CACNA1C: variants seen among roughly 807,000 people sequenced by gnomAD.
CACNA1C encodes the protein voltage-dependent L-type calcium channel subunit alpha-1C.
A neutral mutation model predicts 229.0 loss-of-function variants in CACNA1C; 30 were observed. That is an observed-to-expected ratio of 0.13 (90% CI 0.10 to 0.18). The LOEUF is 0.18. Among genes scored for constraint, CACNA1C ranks in the 10% least tolerant of loss-of-function variants. CACNA1C has a pLI of 1.00. For synonymous variants in CACNA1C, 1,114 were observed against 1,132.5 expected, an observed-to-expected ratio of 0.98 and a Z score of 0.33; for missense variants, 1,658 against 2,845.0, an observed-to-expected ratio of 0.58 and a Z score of 9.49.
chr12:2,483,390 C>T (rs2099684357), intron 5 of CACNA1C, among the ~76,000 whole-genome samples: 1 of 151,886 alleles, frequency 6.6e-6, no homozygotes, highest in Non-Finnish European at 1.5e-5. Flanking sequence ...CACTGGAACC[C>T]GGGAGACCAG....
intron 1 of CACNA1C, among the ~76,000 whole-genome samples, chr12:2,114,717 G>A (rs2299660): frequency 4.6e-5 from 7 of 152,100 alleles, no homozygotes; most frequent in African/African-American, 1.4e-4. Flanking sequence ...TTCATTGTAC[G>A]TTTTCCATCA....
At chr12:2,036,029 G>A (rs1327074750) in intron 1 of CACNA1C, among the ~76,000 whole-genome samples, 1 of 152,208 alleles carries the variant, frequency 6.6e-6, no homozygotes, top group Non-Finnish European at 1.5e-5. Context: ...CTTCTTTGGG[G>A]TTTATTTTCT....
At chr12:2,648,453 C>T in intron 30 of CACNA1C, 22 bp from the exon 31 acceptor site, 1 of 1,612,928 alleles carries the variant, frequency 6.2e-7, no homozygotes, top group Non-Finnish European at 8.5e-7. Flanking sequence ...TACAGCTTAT[C>T]TCTATCTGCC....
rs891263368 is a variant in CACNA1C, at chr12:2,108,630, C to T, written c.50-6594C>T. Among the ~76,000 whole-genome samples the T allele has an allele frequency of 1.3e-5, 2 of 152,164 alleles. No individual in the cohort carries two copies. The highest frequency in any genetic ancestry group is 2.4e-5 in the African/African-American group (1 of 41,438). On this transcript the variant is annotated intron_variant, in intron 1 of 46. Transcript: ENST00000399655. This position sits in a 1 kb window ranked among gnomAD's most constrained non-coding sequence, Gnocchi z 5.3. ...AGGAGGGTGGAAGAGCTGCTGAGAC[C>T]GCAAGTTTACCAGCCTCCCACCCAC...
In CACNA1C at chr12:2,275,728, G is replaced by T. The variant is rs77759718; in HGVS notation, c.477+155298G>T. 0.033 allele frequency among the ~76,000 whole-genome samples: 4,981 copies of T among 152,276 alleles called. 118 individuals carry two copies. The highest frequency in any genetic ancestry group is 0.054 in the South Asian group (259 of 4,828). On this transcript the variant is annotated intron_variant, in intron 3 of 46. Transcript: ENST00000399655. This position sits in a 1 kb window ranked among gnomAD's most constrained non-coding sequence, Gnocchi z 4.1. ...GGGCCAGGTTGAGCAGGAAACCATCGTTAGGGCACGGAAGCATAGGTGGGA... is the reference window on the plus strand; with the variant it reads ...GGGCCAGGTTGAGCAGGAAACCATCTTTAGGGCACGGAAGCATAGGTGGGA...
chr12:2,411,105 A>G (rs1437513700), intron 3 of CACNA1C, among the ~76,000 whole-genome samples: 2 of 152,030 alleles, frequency 1.3e-5, no homozygotes, highest in African/African-American at 4.8e-5. Flanking sequence ...CCGCCCGTGT[A>G]TGTGTTGGGT....
At position 2,073,772 on chromosome 12, in the gene CACNA1C, A is replaced by G. The variant is rs547600513; in HGVS notation, c.49+20161A>G. Among the ~76,000 whole-genome samples the G allele has an allele frequency of 3.3e-5, 5 of 152,358 alleles. No homozygotes were observed. The East Asian group carries it at 7.7e-4, about 23-fold the overall frequency. ...TCAGCAAATAAGTTCAGGAGGAATTAGTAAGATGGAAATCATCCTGTGGAT... is the reference window on the plus strand; with the variant it reads ...TCAGCAAATAAGTTCAGGAGGAATTGGTAAGATGGAAATCATCCTGTGGAT... On this transcript the variant is annotated intron_variant, in intron 1 of 46. Transcript: ENST00000399655.
intron 1 of CACNA1C, among the ~76,000 whole-genome samples, chr12:2,063,313 G>A (rs750282798): frequency 3.0e-4 from 45 of 152,012 alleles, no homozygotes; most frequent in Non-Finnish European, 4.7e-4. Context: ...CACCATGCCT[G>A]GCTTATTTTT....
chr12:2,247,000 G>C (rs544421436), intron 3 of CACNA1C, among the ~76,000 whole-genome samples: 59 of 152,242 alleles, frequency 3.9e-4, no homozygotes, highest in African/African-American at 1.3e-3. Context: ...TCCCCGATAG[G>C]TAGAATTAAA....
chr12:2,270,087 C>G (rs1204064621), intron 3 of CACNA1C: 1 of 152,176 alleles, frequency 6.6e-6, no homozygotes, highest in African/African-American at 2.4e-5. Context: ...ACCAAGCTTC[C>G]AGGGCACGGG....
At chr12:2,201,832 T>C (rs1030497850) in intron 3 of CACNA1C, among the ~76,000 whole-genome samples, 3 of 152,170 alleles carry the variant, frequency 2.0e-5, no homozygotes, top group Admixed American at 2.0e-4. Flanking sequence ...TGGCCAGATA[T>C]CTCTTTAGCA....
chr12:2,504,558 T>A lies in CACNA1C; in HGVS notation c.1114-284T>A. On this transcript the variant is annotated intron_variant, in intron 7 of 46. Transcript: ENST00000399655. The surrounding 1 kb of genome is among the most constrained non-coding windows in gnomAD (Gnocchi z 6.8). ...TGAGCGGGTAAGCTGACCGTTTCTA[T>A]GTCCTCTCCACAACGCAGCCGAGCA... 1.4e-6 allele frequency: 2 copies of A among 1,417,730 alleles called. No homozygotes were observed. The highest frequency in any genetic ancestry group is 2.0e-6 in the Non-Finnish European group (2 of 1,001,242). The allele number at this position is 1,417,730 out of a possible 1,614,324, so 87.8% of individuals were successfully genotyped here. A position where few individuals can be genotyped will look rare whatever the true frequency, so the allele number is the denominator to read the frequency against.
intron 3 of CACNA1C, among the ~76,000 whole-genome samples, chr12:2,167,001 C>T (rs567249418): frequency 2.6e-5 from 4 of 152,146 alleles, no homozygotes; most frequent in East Asian, 1.9e-4. Context: ...TAGAAAAGGG[C>T]GACCCATGAG....
chr12:2,143,036 T>C (rs1280280124), intron 3 of CACNA1C, among the ~76,000 whole-genome samples: 1 of 150,752 alleles, frequency 6.6e-6, no homozygotes, highest in Non-Finnish European at 1.5e-5. Flanking sequence ...AGTGCAATGG[T>C]GCTATCTTGG....
chr12:2,541,613 G>T (rs2099870596), intron 9 of CACNA1C, among the ~76,000 whole-genome samples: 1 of 152,170 alleles, frequency 6.6e-6, no homozygotes, highest in Non-Finnish European at 1.5e-5. Context: ...CTGGGCCTGA[G>T]GCATCAACCC....
At chr12:2,550,386 C>T (rs1181870939) in intron 10 of CACNA1C, among the ~76,000 whole-genome samples, 1 of 152,146 alleles carries the variant, frequency 6.6e-6, no homozygotes, top group African/African-American at 2.4e-5. Flanking sequence ...TCCCTTTCGC[C>T]CCTCTTCAAA....
At chr12:2,301,196 T>G (rs932219371) in intron 3 of CACNA1C, among the ~76,000 whole-genome samples, 21 of 151,960 alleles carry the variant, frequency 1.4e-4, no homozygotes, top group Non-Finnish European at 2.8e-4. Context: ...GGTGGTTGGG[T>G]GGGGTGTAGG....
intron 3 of CACNA1C, among the ~76,000 whole-genome samples, chr12:2,339,464 G>A (rs182235523): frequency 3.0e-4 from 45 of 152,206 alleles, no homozygotes; most frequent in South Asian, 1.0e-3. Context: ...GCAATAATAC[G>A]TTAACCTTAG....
intron 3 of CACNA1C, among the ~76,000 whole-genome samples, chr12:2,257,112 T>C (rs1355807253): frequency 6.6e-6 from 1 of 152,164 alleles, no homozygotes; most frequent in East Asian, 1.9e-4. Flanking sequence ...GGTGTTAACA[T>C]CCAGCACTCA....
Sources: allele counts gnomAD v4.1 joint callset (sites outside exome capture counted in the v4.1 genomes callset), GRCh38; gene constraint gnomAD v4.1.1; non-coding constraint Gnocchi (gnomAD v3.1); transcripts MANE v1.5; gene names NCBI Gene and HGNC (gene_info 2026-07-23, HGNC 2026-07-21).